The following CDH4 variants were observed in gnomAD, a reference collection of about 807,000 sequenced individuals.
The protein encoded by CDH4 is cadherin-4.
In CDH4, 33 loss-of-function variants were observed where a neutral mutation model predicts 86.0. The ratio of observed to expected loss-of-function variants is 0.38; its 90% CI spans 0.29 to 0.51. The LOEUF is 0.51. Among genes scored for constraint, CDH4 ranks in the 20% least tolerant of loss-of-function variants. The pLI, the probability that CDH4 is intolerant of heterozygous loss-of-function variation, is 0.86. For synonymous variants in CDH4, 555 were observed against 549.4 expected, an observed-to-expected ratio of 1.01 and a Z score of -0.14; for missense variants, 1,114 against 1,307.4, an observed-to-expected ratio of 0.85 and a Z score of 2.28.
chr20:61,378,884 GGAT>G (rs2084885491), intron 2 of CDH4, among the ~76,000 whole-genome samples: 1 of 152,168 alleles, frequency 6.6e-6, no homozygotes, highest in Non-Finnish European at 1.5e-5. Flanking sequence ...ATTAACTGTA[GGAT>G]GATGTCATCA....
rs2088535314 is a variant in CDH4 at position 61,754,522 on chromosome 20, T to TG, written c.396+10737dup. The stretch of plus-strand genomic sequence containing the variant: ...GGCTCCACAGGGCTTGGGGTGTCCC[T>TG]GGGGAGAGGAGGGATGAGGAACGGG... On this transcript the variant is annotated intron_variant, in intron 3 of 15. Transcript: ENST00000614565. This position sits in a 1 kb window ranked among gnomAD's most constrained non-coding sequence, Gnocchi z 4.7. Among the ~76,000 whole-genome samples the TG allele has an allele frequency of 6.6e-6, 1 of 151,734 alleles. No homozygotes were observed. The highest frequency in any genetic ancestry group is 2.4e-5 in the African/African-American group (1 of 41,060).
At chr20:61,842,306 G>A (rs6121475) in intron 4 of CDH4, among the ~76,000 whole-genome samples, 23,336 of 152,226 alleles carry the variant, frequency 0.15, 2,205 homozygotes, top group South Asian at 0.29. Context: ...TATGCCACAC[G>A]TGGGGCAGTT....
intron 2 of CDH4, among the ~76,000 whole-genome samples, chr20:61,730,557 T>C (rs1485073838): frequency 6.6e-6 from 1 of 152,222 alleles, no homozygotes; most frequent in Non-Finnish European, 1.5e-5. Flanking sequence ...TCTCAAGCAC[T>C]TCCTGGGTGC....
intron 2 of CDH4, among the ~76,000 whole-genome samples, chr20:61,381,123 C>T (rs1307172692): frequency 6.6e-6 from 1 of 152,144 alleles, no homozygotes; most frequent in East Asian, 1.9e-4. Flanking sequence ...AGACCAGCTC[C>T]CCTAGCCTGT....
intron 2 of CDH4, among the ~76,000 whole-genome samples, chr20:61,579,324 T>C (rs1336014435): frequency 6.7e-6 from 1 of 148,192 alleles, no homozygotes; most frequent in Non-Finnish European, 1.5e-5. Context: ...TCTCTCTCTG[T>C]TGCCCAGTCT....
chr20:61,520,213 G>A (rs2085858673), intron 2 of CDH4, among the ~76,000 whole-genome samples: 1 of 152,204 alleles, frequency 6.6e-6, no homozygotes, highest in Admixed American at 6.5e-5. Flanking sequence ...GGTGATAGTA[G>A]TACCTGCATC....
chr20:61,487,545 A>C (rs2085603260), intron 2 of CDH4, among the ~76,000 whole-genome samples: 1 of 152,214 alleles, frequency 6.6e-6, no homozygotes, highest in South Asian at 2.1e-4. Flanking sequence ...TTTGTGTCTC[A>C]ACTTGCCCTT....
At chr20:61,658,314 C>T (rs2145827645) in intron 2 of CDH4, among the ~76,000 whole-genome samples, 1 of 152,168 alleles carries the variant, frequency 6.6e-6, no homozygotes, top group East Asian at 1.9e-4. Context: ...AGAGAGGGAT[C>T]CAACATGTCT....
intron 4 of CDH4, among the ~76,000 whole-genome samples, chr20:61,791,375 G>C (rs777973263): frequency 6.5e-4 from 99 of 152,364 alleles, no homozygotes; most frequent in Middle Eastern, 6.8e-3. Context: ...TGTGGACTTA[G>C]AGAAAGAAGT....
intron 4 of CDH4, among the ~76,000 whole-genome samples, chr20:61,841,455 A>G (rs181314508): frequency 1.3e-5 from 2 of 152,148 alleles, no homozygotes; most frequent in Non-Finnish European, 2.9e-5. Flanking sequence ...AAAACTCTCC[A>G]TGGGTGGAGA....
At chr20:61,482,869 A>T (rs1489093744) in intron 2 of CDH4, among the ~76,000 whole-genome samples, 1 of 152,202 alleles carries the variant, frequency 6.6e-6, no homozygotes, top group Non-Finnish European at 1.5e-5. Context: ...GTGAATCCGC[A>T]CGTCCGCCCT....
intron 4 of CDH4, among the ~76,000 whole-genome samples, chr20:61,843,527 A>G (rs1417423575): frequency 6.8e-6 from 1 of 147,912 alleles, no homozygotes; most frequent in East Asian, 2.0e-4. Flanking sequence ...CCTTTTCTGC[A>G]CAAAAGAATT....
Position 61,468,699 on chromosome 20 carries a change from T to C in CDH4, c.169+213762T>C, listed in dbSNP as rs113984882. Among the ~76,000 whole-genome samples the C allele has an allele frequency of 6.9e-3, 1,048 of 152,330 alleles. 11 individuals are homozygous for C. Among genetic ancestry groups the C allele is most frequent in the African/African-American group, 0.024 (992 of 41,588 alleles). On this transcript the variant is annotated intron_variant, in intron 2 of 15. Transcript: ENST00000614565. ...ATCCCCACTCCCCCCTGCCAGCCTG[T>C]ACTGCCCTTCTCATCCATCCTTCTA... is the stretch of plus-strand genomic sequence containing the variant.
chr20:61,890,438 G>A (rs767230156), intron 7 of CDH4, among the ~76,000 whole-genome samples: 23 of 150,152 alleles, frequency 1.5e-4, no homozygotes, highest in Admixed American at 2.6e-4. Context: ...GATGACGGGT[G>A]GATGGATGGA....
intron 2 of CDH4, among the ~76,000 whole-genome samples, chr20:61,469,693 G>T (rs921989220): frequency 6.6e-6 from 1 of 152,148 alleles, no homozygotes; most frequent in Non-Finnish European, 1.5e-5. Flanking sequence ...ATGGTTTGAG[G>T]TCTTAGATTT....
chr20:61,403,105 C>A (rs185069516), intron 2 of CDH4, among the ~76,000 whole-genome samples: 3 of 152,180 alleles, frequency 2.0e-5, no homozygotes, highest in African/African-American at 4.8e-5. Context: ...TCCCTTTCTC[C>A]TTTTTCCTGC....
At chr20:61,552,616 C>T (rs2086141321) in intron 2 of CDH4, among the ~76,000 whole-genome samples, 1 of 152,168 alleles carries the variant, frequency 6.6e-6, no homozygotes, top group South Asian at 2.1e-4. Context: ...AGGAGAATCA[C>T]ATGAACATGG....
intron 2 of CDH4, among the ~76,000 whole-genome samples, chr20:61,285,810 C>T (rs761740314): frequency 3.8e-4 from 58 of 152,246 alleles, no homozygotes; most frequent in Non-Finnish European, 3.5e-4. Flanking sequence ...GAAGACCTGG[C>T]GCAGACGCCC....
chr20:61,387,683 T>C (rs1326396759), intron 2 of CDH4, among the ~76,000 whole-genome samples: 1 of 152,220 alleles, frequency 6.6e-6, no homozygotes, highest in Non-Finnish European at 1.5e-5. Context: ...AGGTACGTAA[T>C]TAATCATCAC....
Sources: allele counts gnomAD v4.1 joint callset (sites outside exome capture counted in the v4.1 genomes callset), GRCh38; gene constraint gnomAD v4.1.1; non-coding constraint Gnocchi (gnomAD v3.1); transcripts MANE v1.5; gene names NCBI Gene and HGNC (gene_info 2026-07-23, HGNC 2026-07-21).